The following NPSR1 variants were observed in gnomAD, a reference collection of about 807,000 sequenced individuals.
NPSR1 encodes the protein neuropeptide S receptor.
NPSR1 carries 48 observed loss-of-function variants against 46.9 expected under a neutral mutation model. The observed-to-expected ratio is 1.02, with a 90% CI of 0.81 to 1.30. The LOEUF is 1.30. Ranked by LOEUF, NPSR1 falls within the 50% of genes most tolerant of loss-of-function variation. The probability of loss-of-function intolerance (pLI) is 0.00; values close to 1 mark genes in which losing one functional copy is unlikely to be tolerated. For synonymous variants in NPSR1, 176 were observed against 168.1 expected (o/e 1.05, Z -0.36); for missense variants, 450 against 449.5 (o/e 1.00, Z -0.01).
chr7:34,670,626 AAATATAACATGGTTAAAGTCCTT>A (rs1178252186), intron 1 of NPSR1, among the ~76,000 whole-genome samples: 16 of 151,254 alleles, frequency 1.1e-4, no homozygotes, highest in South Asian at 2.1e-4. Context: ...AATTATATAA[AAATATAACATGGTTAAAGTCCTT>A]AATATGTAAA....
chr7:34,853,039 G>T (rs570951297), downstream of NPSR1, among the ~76,000 whole-genome samples: 20 of 152,278 alleles, frequency 1.3e-4, no homozygotes, highest in African/African-American at 4.1e-4. Flanking sequence ...CCCAGAAAAT[G>T]ATAACACCTT....
rs530754290 is a variant in NPSR1 at position 34,867,333 on chromosome 7, T to C, written c.1026-10743T>C. Among the ~76,000 whole-genome samples the C allele has an allele frequency of 9.9e-5, 15 of 151,998 alleles. No homozygotes were observed. In the East Asian group the frequency reaches 2.5e-3, roughly 25 times the overall value. On this transcript the variant is annotated intron_variant, in intron 8 of 8. Transcript: ENST00000359791. ...AAAGCGTGGTAGATGTGGAGTCCCA[T>C]GTGAGATAGGATATCCCAGCTGATG...
At chr7:34,758,618 A>G (rs1203160756) in intron 2 of NPSR1, among the ~76,000 whole-genome samples, 1 of 152,228 alleles carries the variant, frequency 6.6e-6, no homozygotes, top group Non-Finnish European at 1.5e-5. Context: ...TTTCAGGTTT[A>G]CAGAAAATCT....
Position 34,738,606 on chromosome 7 carries a change from G to A in NPSR1, c.281-39856G>A, listed in dbSNP as rs141530121. Among the ~76,000 whole-genome samples, 21 of 151,704 alleles carry A rather than the reference G, an allele frequency of 1.4e-4. No individual in the cohort carries two copies. The East Asian group carries it at 4.1e-3, about 29-fold the overall frequency. On this transcript the variant is annotated intron_variant, in intron 2 of 8. Transcript: ENST00000360581. The stretch of plus-strand genomic sequence containing the variant: ...AATTTATATCACAAATACTTTTTCA[G>A]CTGGCTTGATTGATCCTTTCTATTA...
intron 6 of NPSR1, among the ~76,000 whole-genome samples, chr7:34,839,859 GT>G (rs1790503429): frequency 6.6e-6 from 1 of 152,058 alleles, no homozygotes; most frequent in Non-Finnish European, 1.5e-5. Context: ...GTTTGGGGTG[GT>G]AGACATTGAC....
chr7:34,732,196 G>C (rs1048335681), intron 2 of NPSR1, among the ~76,000 whole-genome samples: 1 of 151,976 alleles, frequency 6.6e-6, no homozygotes, highest in Non-Finnish European at 1.5e-5. Context: ...CACCTCACTG[G>C]TTATGAGTTA....
chr7:34,745,430 A>G (rs1785153471), intron 2 of NPSR1, among the ~76,000 whole-genome samples: 1 of 152,166 alleles, frequency 6.6e-6, no homozygotes, highest in African/African-American at 2.4e-5. Context: ...TAAAAGTTCT[A>G]CTTTGTTCTT....
chr7:34,830,636 A>G (rs1370139916), intron 5 of NPSR1, among the ~76,000 whole-genome samples: 1 of 152,116 alleles, frequency 6.6e-6, no homozygotes, highest in Non-Finnish European at 1.5e-5. Context: ...TTGCCTCTCT[A>G]TTGAGTATGG....
intron 2 of NPSR1, among the ~76,000 whole-genome samples, chr7:34,745,265 T>C (rs1394799691): frequency 6.6e-6 from 1 of 152,198 alleles, no homozygotes; most frequent in African/African-American, 2.4e-5. Context: ...CCTCTTCACT[T>C]CTCTTTGGTC....
chr7:34,855,661 G>C (rs936622562), intron 8 of NPSR1, among the ~76,000 whole-genome samples: 55 of 152,110 alleles, frequency 3.6e-4, no homozygotes, highest in African/African-American at 1.3e-3. Flanking sequence ...TGACTTTTCA[G>C]ATTATTTATG....
intron 4 of NPSR1, 112 bp from the exon 5 acceptor site, chr7:34,827,289 C>G: frequency 1.3e-6 from 1 of 777,942 alleles, no homozygotes; most frequent in East Asian, 2.6e-5. Flanking sequence ...CTGGGAGGTT[C>G]TTTGAGGTCC....
At chr7:34,834,493 G>T in intron 6 of NPSR1, 33 bp downstream of exon 6, 1 of 1,465,924 alleles carries the variant, frequency 6.8e-7, no homozygotes, top group Non-Finnish European at 9.6e-7. Context: ...CCAATTCTTG[G>T]CTAATTTGCT....
At chr7:34,742,295 C>G (rs1784984376) in intron 2 of NPSR1, among the ~76,000 whole-genome samples, 2 of 151,926 alleles carry the variant, frequency 1.3e-5, no homozygotes, top group South Asian at 4.1e-4. Context: ...CAATAGTTAT[C>G]TTTTCTGCTC....
chr7:34,683,093 T>C (rs140004179), intron 1 of NPSR1, among the ~76,000 whole-genome samples: 1 of 152,012 alleles, frequency 6.6e-6, no homozygotes, highest in Admixed American at 6.5e-5. Flanking sequence ...AAATCCAGGA[T>C]GGAGAGCCTA....
chr7:34,831,641 T>G (rs1458357118), intron 5 of NPSR1, among the ~76,000 whole-genome samples: 1 of 152,090 alleles, frequency 6.6e-6, no homozygotes, highest in African/African-American at 2.4e-5. Context: ...CAATACATTG[T>G]TTTTCTGGGT....
intron 8 of NPSR1, among the ~76,000 whole-genome samples, chr7:34,862,937 A>C (rs1791222444): frequency 6.6e-6 from 1 of 151,794 alleles, no homozygotes; most frequent in Admixed American, 6.6e-5. Context: ...TGACGACATT[A>C]AGATACTACA....
At chr7:34,838,489 T>G (rs551164907) in intron 6 of NPSR1, among the ~76,000 whole-genome samples, 4 of 152,298 alleles carry the variant, frequency 2.6e-5, no homozygotes, top group Admixed American at 2.6e-4. Flanking sequence ...CATCTGTCAT[T>G]ACAGCCAAGC....
chr7:34,737,989 G>A lies in NPSR1; in HGVS notation c.281-40473G>A, dbSNP rs146606799. 3.9e-3 allele frequency among the ~76,000 whole-genome samples: 589 copies of A among 152,286 alleles called. 18 individuals are homozygous for A. The highest frequency in any genetic ancestry group is 0.031 in the Admixed American group (474 of 15,298). ...CTCTGTCCAAGGAAGATTTTTATCT[G>A]TTTTATTCACTGCACCTAGAAAGGT... is the stretch of plus-strand genomic sequence containing the variant. On this transcript the variant is annotated intron_variant, in intron 2 of 8. Transcript: ENST00000360581.
At chr7:34,854,004 C>T (rs572062903), downstream of NPSR1, among the ~76,000 whole-genome samples, 658 of 151,294 alleles carry the variant, frequency 4.3e-3, 2 homozygotes, top group Admixed American at 7.1e-3. Context: ...AACATTATTA[C>T]GCACAACAAT....
Sources: gnomAD v4.1 joint callset for allele counts (sites outside exome capture counted in the v4.1 genomes callset) on GRCh38, gnomAD v4.1.1 for gene constraint, MANE v1.5 for transcripts, NCBI Gene and HGNC (gene_info 2026-07-23, HGNC 2026-07-21) for gene names.